ABCC10: variants seen among roughly 807,000 people sequenced by gnomAD.
ABCC10 encodes the protein ATP-binding cassette sub-family C member 10.
ABCC10 carries 110 observed loss-of-function variants against 143.2 expected under a neutral mutation model. The observed-to-expected ratio is 0.77, with a 90% CI of 0.66 to 0.90. ABCC10 has a LOEUF of 0.90. Among genes scored for constraint, ABCC10 ranks in the 40% least tolerant of loss-of-function variants. The pLI, the probability that ABCC10 is intolerant of heterozygous loss-of-function variation, is 0.00. For missense variants in ABCC10, 1,700 were observed against 1,900.5 expected (o/e 0.89, Z 1.96); for synonymous variants, 805 against 846.7 (o/e 0.95, Z 0.85).
chr6:43,450,337 G>T lies in ABCC10; in HGVS notation c.*246G>T. 1 of 899,016 alleles carries T rather than the reference G, an allele frequency of 1.1e-6. No individual in the cohort carries two copies. The highest frequency in any genetic ancestry group is 1.6e-6 in the Non-Finnish European group (1 of 627,180). The allele number at this position is 899,016 out of a possible 1,614,324, so 55.7% of individuals were successfully genotyped here. ...TCTGGAACGCCAGGTGGGTTTTTCT[G>T]GCATAGGAGCCCACTTGCATTTTCA... On this transcript the variant is annotated 3_prime_UTR_variant, in exon 22 of 22. Transcript: ENST00000372530. The surrounding 1 kb of genome is among the most constrained non-coding windows in gnomAD (Gnocchi z 4.5).
chr6:43,432,589 C>A lies in ABCC10; in HGVS notation c.609C>A (p.Pro203=), dbSNP rs756105261. The change falls in exon 3 of 22, where the codon CCC becomes CCA. Residue 203 remains proline (P), a synonymous_variant. Coordinates refer to ENST00000372530, the MANE Select transcript of ABCC10 (RefSeq NM_001198934.2). The part of the protein sequence containing the change: ...GGPREPWAQE[P]LLPEDQEPEV... ...CACGAGAACCCTGGGCTCAGGAGCC[C>A]CTCCTGCCCGAGGATCAAGAACCTG... 1 of 1,613,816 alleles carries A rather than the reference C, an allele frequency of 6.2e-7. No individual in the cohort carries two copies. Among genetic ancestry groups the A allele is most frequent in the Non-Finnish European group, 8.5e-7 (1 of 1,180,012 alleles).
chr6:43,436,946 CT>C (rs944830516), intron 6 of ABCC10, among the ~76,000 whole-genome samples: 4 of 152,222 alleles, frequency 2.6e-5, no homozygotes, highest in South Asian at 4.2e-4. Flanking sequence ...TTAGTTGGGG[CT>C]TTTTTGGGTA....
intron 17 of ABCC10, 136 bp downstream of exon 17, chr6:43,447,544 C>T: frequency 6.4e-7 from 1 of 1,552,846 alleles, no homozygotes; most frequent in Non-Finnish European, 8.7e-7. Flanking sequence ...CAATTCTTCA[C>T]CATGTCCCTT....
intron 6 of ABCC10, among the ~76,000 whole-genome samples, chr6:43,437,547 G>A (rs771252631): frequency 1.3e-5 from 2 of 151,286 alleles, no homozygotes; most frequent in South Asian, 2.1e-4. Context: ...GCCACAGGTC[G>A]ACTTAGCCAA....
chr6:43,438,714 C>T lies in ABCC10; in HGVS notation c.2046C>T (p.Asp682=). 1 of 1,614,272 alleles carries T rather than the reference C, an allele frequency of 6.2e-7. No homozygotes were observed. Among genetic ancestry groups the T allele is most frequent in the Non-Finnish European group, 8.5e-7 (1 of 1,180,052 alleles). The change falls in exon 8 of 22, where the codon GAC becomes GAT. Residue 682 remains aspartate (D), a synonymous_variant. Coordinates refer to ENST00000372530, the MANE Select transcript of ABCC10 (RefSeq NM_001198934.2). ...EPWIQFATIR[D]NILFGKTFDA... ...GGATCCAGTTTGCCACCATCCGAGA[C>T]AACATCCTCTTTGGGAAGACATTTG...
chr6:43,447,846 T>A lies in ABCC10; in HGVS notation c.3868T>A (p.Leu1290Met), dbSNP rs777379289. ...GRTGSGKSSLLLVLFRLLEPS... is the reference protein window; with the variant it reads ...GRTGSGKSSLMLVLFRLLEPS... ...CACAGGCTCCGGCAAGTCTTCCCTG[T>A]TGTTGGTGCTCTTCCGGCTGCTAGA... Residue 1290 changes from leucine to methionine, a missense_variant, in exon 18 of 22, where the codon TTG becomes ATG. Leu to Met is a conservative substitution (Grantham distance 15). Coordinates refer to ENST00000372530, the MANE Select transcript of ABCC10 (RefSeq NM_001198934.2). 12 of 1,613,842 alleles carry A rather than the reference T, an allele frequency of 7.4e-6. No homozygotes were observed. The highest frequency in any genetic ancestry group is 9.3e-6 in the Non-Finnish European group (11 of 1,180,016).
At chr6:43,449,235 G>A (rs1426462504) in intron 20 of ABCC10, 31 bp downstream of exon 20, 2 of 1,609,366 alleles carry the variant, frequency 1.2e-6, no homozygotes, top group Non-Finnish European at 1.7e-6. Context: ...ATTAGAGAGG[G>A]CCAGGAAGAA....
At chr6:43,450,677 G>A (rs757586307), downstream of ABCC10, 1 of 1,613,944 alleles carries the variant, frequency 6.2e-7, no homozygotes, top group Non-Finnish European at 8.5e-7. This position sits in a 1 kb window ranked among gnomAD's most constrained non-coding sequence, Gnocchi z 4.5. Context: ...AGGGTCCAGG[G>A]GGGCAGACAC....
intron 20 of ABCC10, 28 bp downstream of exon 20, chr6:43,449,232 AGG>A (rs750823862): frequency 1.9e-6 from 3 of 1,604,100 alleles, no homozygotes; most frequent in South Asian, 2.2e-5. Flanking sequence ...GACATTAGAG[AGG>A]GCCAGGAAGA....
chr6:43,437,310 G>A (rs930907483), intron 6 of ABCC10, among the ~76,000 whole-genome samples: 3 of 151,974 alleles, frequency 2.0e-5, no homozygotes, highest in African/African-American at 7.3e-5. Context: ...ACCCTGGCTG[G>A]CAGGGTTGGG....
At position 43,432,469 on chromosome 6, in the gene ABCC10, A is replaced by G. The variant is rs1781240481; in HGVS notation, c.489A>G (p.Pro163=). ...GCCAGCGAGGCACACTTCTGCCCCC[A>G]CTTCTCCCAGGGCCCATGGCCCGCC... ...WHCQRGTLLP[P]LLPGPMARLC... is the part of the protein sequence containing the mutation. The change falls in exon 3 of 22, where the codon CCA becomes CCG. Residue 163 remains proline (P), a synonymous_variant. Coordinates refer to ENST00000372530, the MANE Select transcript of ABCC10 (RefSeq NM_001198934.2). 2 of 1,611,440 alleles carry G rather than the reference A, an allele frequency of 1.2e-6. No homozygotes were observed. The highest frequency in any genetic ancestry group is 4.5e-5 in the East Asian group (2 of 44,856).
At chr6:43,435,369 C>T (rs1051816821) in intron 4 of ABCC10, among the ~76,000 whole-genome samples, 1 of 152,108 alleles carries the variant, frequency 6.6e-6, no homozygotes, top group South Asian at 2.1e-4. Flanking sequence ...CTTGTCTCTA[C>T]TAAAAATATA....
At chr6:43,451,058 G>T (rs773799897), downstream of ABCC10, 1 of 1,614,118 alleles carries the variant, frequency 6.2e-7, no homozygotes, top group African/African-American at 1.3e-5. This position sits in a 1 kb window ranked among gnomAD's most constrained non-coding sequence, Gnocchi z 4.4. Flanking sequence ...CATCCAGGTT[G>T]ATGGTGCAGA....
intron 6 of ABCC10, among the ~76,000 whole-genome samples, 191 bp downstream of exon 6, chr6:43,436,438 G>GT (rs1431607609): frequency 1.3e-5 from 2 of 152,142 alleles, no homozygotes; most frequent in Non-Finnish European, 2.9e-5. Flanking sequence ...TCTCAGAATA[G>GT]TTGCACCTCT....
chr6:43,443,868 G>A lies in ABCC10; in HGVS notation c.2417-65G>A, dbSNP rs952386895. ...AGGATGAGAGGTGGGATCTGCACAC[G>A]CACTGAGAAAGGCATAGTATAGACT... On this transcript the variant is annotated intron_variant, in intron 10 of 21. Transcript: ENST00000372530. This position sits in a 1 kb window ranked among gnomAD's most constrained non-coding sequence, Gnocchi z 4.2. The A allele has an allele frequency of 9.5e-6, 14 of 1,476,266 alleles. No homozygotes were observed. Among genetic ancestry groups the A allele is most frequent in the Middle Eastern group, 3.5e-4 (2 of 5,792 alleles). 91.4% of individuals were successfully genotyped at this position (1,476,266 alleles called of 1,614,324 possible). A position where few individuals can be genotyped will look rare whatever the true frequency, so the allele number is the denominator to read the frequency against.
chr6:43,434,277 C>T (rs2127387051), intron 3 of ABCC10, among the ~76,000 whole-genome samples: 1 of 152,394 alleles, frequency 6.6e-6, no homozygotes, highest in Middle Eastern at 3.4e-3. Flanking sequence ...CCCTTTGTCC[C>T]TCATCTAATG....
In ABCC10 at chr6:43,445,634, C is replaced by T. The variant is rs1782972399; in HGVS notation, c.3066C>T (p.Gly1022=). 6.2e-7 allele frequency: 1 copy of T among 1,613,602 alleles called. No individual in the cohort carries two copies. The highest frequency in any genetic ancestry group is 8.5e-7 in the Non-Finnish European group (1 of 1,179,644). ...CTTTCTTCAATGCCACACCCACGGG[C>T]CGGATCCTAAACCGCTTCTCCTCTG... ...PVTFFNATPT[G]RILNRFSSDV... The change falls in exon 15 of 22, where the codon GGC becomes GGT. Residue 1022 remains glycine, a synonymous_variant. Transcript: ENST00000372530.
In ABCC10 at chr6:43,443,115, C is replaced by G. The variant is rs752167077; in HGVS notation, c.2372C>G (p.Ala791Gly). ...CACCGCACTGAGTACCTGGAGAGGG[C>G]TGACGCGGTGCTGCTGATGGAGGCC... Reference protein sequence around the residue: ...CTHRTEYLERADAVLLMEAGR... With the variant: ...CTHRTEYLERGDAVLLMEAGR... The change falls in exon 10 of 22, where the codon GCT becomes GGT. Residue 791 changes from alanine to glycine, a missense_variant. Physicochemically the swap from Ala to Gly is moderately conservative, Grantham distance 60. Transcript: ENST00000372530. This position sits in a 1 kb window ranked among gnomAD's most constrained non-coding sequence, Gnocchi z 4.2. 1.2e-5 allele frequency: 20 copies of G among 1,610,112 alleles called. No homozygotes were observed. In the Middle Eastern group the frequency reaches 1.0e-3, roughly 81 times the overall value.
At position 43,435,845 on chromosome 6, in the gene ABCC10, T is replaced by C; in HGVS notation, c.1703T>C (p.Leu568Ser). The change falls in exon 5 of 22, where the codon TTG becomes TCG. Residue 568 changes from leucine (L) to serine (S), a missense_variant. Leu to Ser is a moderately radical substitution (Grantham distance 145). Coordinates refer to ENST00000372530, the MANE Select transcript of ABCC10 (RefSeq NM_001198934.2). The stretch of plus-strand genomic sequence containing the variant: ...GGTCTCCTGGAGGCCAAAGTGTCCT[T>C]GGACCGGATCCAGCTTTTCCTCGAC... ...INGLLEAKVS[L>S]DRIQLFLDLP... is the part of the protein sequence containing the mutation. 6.2e-7 allele frequency: 1 copy of C among 1,614,162 alleles called. No individual in the cohort carries two copies. The highest frequency in any genetic ancestry group is 1.1e-5 in the South Asian group (1 of 91,088).
Sources: gnomAD v4.1 joint callset for allele counts (sites outside exome capture counted in the v4.1 genomes callset) on GRCh38, gnomAD v4.1.1 for gene constraint, Gnocchi (gnomAD v3.1) non-coding constraint, MANE v1.5 for transcripts, NCBI Gene and HGNC (gene_info 2026-07-23, HGNC 2026-07-21) for gene names.